Variants in CLPX observed in about 807,000 individuals in gnomAD.
The protein encoded by CLPX is ATP-dependent clpX-like chaperone, mitochondrial.
CLPX carries 34 observed loss-of-function variants against 76.4 expected under a neutral mutation model. The ratio of observed to expected loss-of-function variants is 0.45; its 90% CI spans 0.34 to 0.59. The LOEUF (loss-of-function observed/expected upper bound fraction) is 0.59. Ranked by LOEUF, CLPX falls within the 20% of genes least tolerant of loss-of-function variation. CLPX has a pLI of 0.01. For missense variants in CLPX, 613 were observed against 757.0 expected, an observed-to-expected ratio of 0.81 and a Z score of 2.23; for synonymous variants, 248 against 270.9, an observed-to-expected ratio of 0.92 and a Z score of 0.83.
rs373296935 is a variant in CLPX at position 65,165,176 on chromosome 15, A to C, written c.514-988T>G. On this transcript the variant is annotated intron_variant, in intron 4 of 13. Transcript: ENST00000300107. The stretch of plus-strand genomic sequence containing the variant: ...ACATGGCAAAACCCTGTCTCTACAG[A>C]AATTAGCTGGGCATAGTGGTAGACA... Among the ~76,000 whole-genome samples the C allele has an allele frequency of 8.6e-5, 13 of 152,010 alleles. 1 individual carries two copies. Among genetic ancestry groups the C allele is most frequent in the African/African-American group, 3.1e-4 (13 of 41,480 alleles).
Position 65,155,766 on chromosome 15 carries a change from TTG to T in CLPX, c.1235_1236del (p.Thr412AsnfsTer24). The T allele has an allele frequency of 6.2e-7, 1 of 1,614,082 alleles. No individual in the cohort carries two copies. The highest frequency in any genetic ancestry group is 8.5e-7 in the Non-Finnish European group (1 of 1,179,942). On this transcript the variant is annotated frameshift_variant, in exon 10 of 14. Coordinates refer to ENST00000300107, the MANE Select transcript of CLPX (RefSeq NM_006660.5). LOFTEE classifies it high-confidence loss of function. The part of the protein sequence containing the change: ...KLRGETVQVD[T>X]TNILFVASGA... ...CCAGATGCCACAAACAGGATGTTTG[TTG>T]TATCAACTTGAACTGTTTCTCCACG...
intron 3 of CLPX, among the ~76,000 whole-genome samples, chr15:65,173,070 T>C (rs1182276189): frequency 1.3e-5 from 2 of 151,524 alleles, no homozygotes; most frequent in Admixed American, 6.6e-5. Context: ...TCATATCCAC[T>C]ATGAATAAAG....
At chr15:65,181,942 T>C (rs1011838472) in intron 1 of CLPX, among the ~76,000 whole-genome samples, 2 of 150,978 alleles carry the variant, frequency 1.3e-5, no homozygotes, top group African/African-American at 4.9e-5. Flanking sequence ...GCTAATACGG[T>C]GCAACCCCAT....
chr15:65,162,385 A>G (rs1424723773), intron 6 of CLPX, among the ~76,000 whole-genome samples: 3 of 152,218 alleles, frequency 2.0e-5, no homozygotes. Context: ...AGAAAAAATA[A>G]AAAATAACCC....
At chr15:65,175,599 G>A (rs990979862) in intron 3 of CLPX, among the ~76,000 whole-genome samples, 8 of 152,138 alleles carry the variant, frequency 5.3e-5, no homozygotes, top group African/African-American at 1.4e-4. Context: ...ATGTTTTCAC[G>A]TTTTGGAATA....
At chr15:65,157,932 A>G (rs757979302) in intron 7 of CLPX, 22 bp from the exon 8 acceptor site, 3 of 1,546,320 alleles carry the variant, frequency 1.9e-6, no homozygotes, top group Admixed American at 2.1e-5. Flanking sequence ...AACAGTCACT[A>G]AAAGTTTACT....
chr15:65,179,080 G>C (rs369610119), intron 2 of CLPX, 29 bp from the exon 3 acceptor site: 97 of 1,406,704 alleles, frequency 6.9e-5, no homozygotes, highest in South Asian at 1.3e-4. Context: ...AAAAAAGGAA[G>C]AGTGTCAATT....
At chr15:65,164,751 T>G (rs573938788) in intron 4 of CLPX, among the ~76,000 whole-genome samples, 39 of 152,120 alleles carry the variant, frequency 2.6e-4, no homozygotes, top group African/African-American at 8.7e-4. Context: ...CTAAAAACTG[T>G]ATTCTTATTT....
rs771435902 is a variant in CLPX, at chr15:65,150,838, A to G, written c.1887T>C (p.Asp629=). 6.2e-7 allele frequency: 1 copy of G among 1,612,636 alleles called. No homozygotes were observed. ...VEEEGWPRQA[D]AANS The stretch of plus-strand genomic sequence containing the variant: ...ATATGACAGTTTAGCTGTTTGCAGC[A>G]TCTGCTTGGCGGGGCCATCCTTCTT... The change falls in exon 14 of 14, where the codon GAT becomes GAC. Residue 629 remains aspartate, a synonymous_variant. Coordinates refer to ENST00000300107, the MANE Select transcript of CLPX (RefSeq NM_006660.5).
intron 3 of CLPX, among the ~76,000 whole-genome samples, chr15:65,168,155 C>T (rs71396456): frequency 0.031 from 4,681 of 150,952 alleles, 89 homozygotes; most frequent in South Asian, 0.07. Context: ...TTTGGGAGGC[C>T]GAGGGGGACA....
Position 65,150,789 on chromosome 15 carries a change from A to T in CLPX, c.*34T>A, listed in dbSNP as rs1267062718. ...AATTATGATCCTAAACAAAAGAAGG[A>T]AAAGCTGTATATACAAGACAGCAAT... On this transcript the variant is annotated 3_prime_UTR_variant, in exon 14 of 14. Transcript: ENST00000300107. 7.0e-7 allele frequency: 1 copy of T among 1,437,512 alleles called. No homozygotes were observed. The allele number at this position is 1,437,512 out of a possible 1,614,324, so 89.0% of individuals were successfully genotyped here. A position where few individuals can be genotyped will look rare whatever the true frequency, so the allele number is the denominator to read the frequency against.
At chr15:65,180,443 G>A (rs2088150596) in intron 1 of CLPX, among the ~76,000 whole-genome samples, 1 of 152,118 alleles carries the variant, frequency 6.6e-6, no homozygotes, top group Non-Finnish European at 1.5e-5. Context: ...GTGTCCTTTG[G>A]AAATAAGGCA....
chr15:65,163,010 A>T (rs971562708), intron 5 of CLPX, among the ~76,000 whole-genome samples: 1 of 152,192 alleles, frequency 6.6e-6, no homozygotes, highest in Non-Finnish European at 1.5e-5. Flanking sequence ...GTTTTGCTCC[A>T]TAACTATCAG....
chr15:65,170,201 G>A (rs569365984), intron 3 of CLPX, among the ~76,000 whole-genome samples: 16 of 152,168 alleles, frequency 1.1e-4, no homozygotes, highest in South Asian at 2.1e-4. Context: ...AATGGTAACC[G>A]GGGACCTCAG....
intron 13 of CLPX, among the ~76,000 whole-genome samples, chr15:65,151,530 AAAGT>A (rs1006831315): frequency 6.6e-5 from 10 of 151,732 alleles, no homozygotes; most frequent in African/African-American, 2.4e-4. Flanking sequence ...CTTCTCCAAG[AAAGT>A]ATCATCTGTT....
In CLPX at chr15:65,185,136, A is replaced by C; in HGVS notation, c.18T>G (p.Ala6=). 1 of 1,573,878 alleles carries C rather than the reference A, an allele frequency of 6.4e-7. No homozygotes were observed. The part of the protein sequence containing the change: MPSCG[A]CTCGAAAVRL... The stretch of plus-strand genomic sequence containing the variant: ...GGACGGCCGCCGCGCCGCAAGTACA[A>C]GCACCGCAGCTGGGCATCTCCGCGA... Residue 6 remains alanine (A), a synonymous_variant, in exon 1 of 14, where the codon GCT becomes GCG. Coordinates refer to ENST00000300107, the MANE Select transcript of CLPX (RefSeq NM_006660.5).
At chr15:65,181,388 C>G (rs2088168982) in intron 1 of CLPX, among the ~76,000 whole-genome samples, 1 of 152,062 alleles carries the variant, frequency 6.6e-6, no homozygotes, top group African/African-American at 2.4e-5. Flanking sequence ...TATCAATGTA[C>G]TTAATACTAC....
chr15:65,153,436 ACT>A lies in CLPX; in HGVS notation c.1704+109_1704+110del, dbSNP rs763579651. On this transcript the variant is annotated intron_variant, in intron 12 of 13. Coordinates refer to ENST00000300107, the MANE Select transcript of CLPX (RefSeq NM_006660.5). ...GCACCACTGCACTCCTTTATTTGAG[ACT>A]CTGTCTCAAAATATATATACATATT... 9.8e-6 allele frequency: 7 copies of A among 710,726 alleles called. No individual in the cohort carries two copies. In the East Asian group the frequency reaches 1.5e-4, roughly 15 times the overall value. The allele number at this position is 710,726 out of a possible 1,614,324, so 44.0% of individuals were successfully genotyped here.
chr15:65,154,816 A>G lies in CLPX; in HGVS notation c.1577T>C (p.Ile526Thr). ...GCTGAATAAGGCCTGGTACTGAGGA[A>G]TAACAGCATTTCGTGGCTCAGTTAA... is the stretch of plus-strand genomic sequence containing the variant. ...QILTEPRNAV[I>T]PQYQALFSMD... The change falls in exon 11 of 14, where the codon ATT (isoleucine) becomes ACT (threonine). Residue 526 changes from isoleucine (I) to threonine (T), a missense_variant. Ile to Thr is a moderately conservative substitution (Grantham distance 89). Transcript: ENST00000300107. 5.0e-6 allele frequency: 8 copies of G among 1,614,062 alleles called. No homozygotes were observed. Among genetic ancestry groups the G allele is most frequent in the Non-Finnish European group, 6.8e-6 (8 of 1,179,890 alleles).
Sources: gnomAD v4.1 joint callset for allele counts (sites outside exome capture counted in the v4.1 genomes callset) on GRCh38, gnomAD v4.1.1 for gene constraint, MANE v1.5 for transcripts, NCBI Gene and HGNC (gene_info 2026-07-23, HGNC 2026-07-21) for gene names.